CRPPA: variants seen among roughly 807,000 people sequenced by gnomAD.
CRPPA encodes the protein CDP-L-ribitol pyrophosphorylase A.
Under a neutral mutation model 52.0 loss-of-function variants are expected in CRPPA, and 43 were observed. That is an observed-to-expected ratio of 0.83 (90% CI 0.65 to 1.07). CRPPA has a LOEUF of 1.07. Ranked by LOEUF, CRPPA falls within the 50% of genes least tolerant of loss-of-function variation. The pLI, the probability that CRPPA is intolerant of heterozygous loss-of-function variation, is 0.00. For missense variants in CRPPA, 629 were observed against 551.7 expected, an observed-to-expected ratio of 1.14 and a Z score of -1.40; for synonymous variants, 250 against 203.5, an observed-to-expected ratio of 1.23 and a Z score of -1.94.
chr7:16,411,092 A>C (rs2128319288), intron 1 of CRPPA, among the ~76,000 whole-genome samples: 1 of 152,356 alleles, frequency 6.6e-6, no homozygotes, highest in African/African-American at 2.4e-5. Flanking sequence ...TAGTAGAAAT[A>C]ACACCTAAGA....
chr7:16,315,301 T>C (rs931485854), intron 3 of CRPPA, among the ~76,000 whole-genome samples: 1 of 152,202 alleles, frequency 6.6e-6, no homozygotes, highest in East Asian at 1.9e-4. Context: ...GTCCTTGTCA[T>C]ATTAATCATA....
intron 9 of CRPPA, among the ~76,000 whole-genome samples, chr7:16,195,077 CTTTTTA>C (rs1446177000): frequency 6.6e-6 from 1 of 151,850 alleles, no homozygotes; most frequent in African/African-American, 2.4e-5. Flanking sequence ...TTACAATGTT[CTTTTTA>C]TAATATACAA....
chr7:16,371,276 C>T (rs1448278818), intron 3 of CRPPA, among the ~76,000 whole-genome samples: 1 of 152,084 alleles, frequency 6.6e-6, no homozygotes, highest in Non-Finnish European at 1.5e-5. Context: ...AAATAAAATA[C>T]TGGAGAAAAA....
chr7:16,152,506 A>G (rs1347593286), intron 9 of CRPPA, among the ~76,000 whole-genome samples: 1 of 152,004 alleles, frequency 6.6e-6, no homozygotes, highest in African/African-American at 2.4e-5. Context: ...TGTCATTCCC[A>G]TTGTTTAAAA....
At chr7:16,304,874 T>C (rs1435303050) in intron 4 of CRPPA, among the ~76,000 whole-genome samples, 1 of 152,228 alleles carries the variant, frequency 6.6e-6, no homozygotes, top group Non-Finnish European at 1.5e-5. Context: ...GGTAATAAAA[T>C]GCCTCAATTA....
At chr7:16,278,906 G>T (rs1583488152) in intron 5 of CRPPA, among the ~76,000 whole-genome samples, 2 of 152,288 alleles carry the variant, frequency 1.3e-5, no homozygotes, top group Middle Eastern at 3.4e-3. Flanking sequence ...AAATCAGAAG[G>T]TACCCTGATT....
intron 9 of CRPPA, among the ~76,000 whole-genome samples, chr7:16,189,741 G>A (rs1781570705): frequency 6.6e-6 from 1 of 152,150 alleles, no homozygotes; most frequent in Admixed American, 6.6e-5. Context: ...ATGAGTTAGA[G>A]ACTAGCAGTA....
At chr7:16,243,699 G>A (rs1405197839) in intron 8 of CRPPA, among the ~76,000 whole-genome samples, 1 of 152,110 alleles carries the variant, frequency 6.6e-6, no homozygotes, top group African/African-American at 2.4e-5. Context: ...GGGTGCAGTG[G>A]CTACGTCTGT....
chr7:16,371,440 G>T (rs1243954067), intron 3 of CRPPA, among the ~76,000 whole-genome samples: 1 of 151,734 alleles, frequency 6.6e-6, no homozygotes, highest in Non-Finnish European at 1.5e-5. Flanking sequence ...CTATAACTCA[G>T]GAACTCATGC....
rs1783824535 is a variant in CRPPA at position 16,262,029 on chromosome 7, G to C, written c.934-3017C>G. The C allele has an allele frequency of 4.6e-5, 7 of 152,046 alleles. No individual in the cohort carries two copies. The South Asian group carries it at 1.2e-3, about 27-fold the overall frequency. 9.4% of individuals were successfully genotyped at this position (152,046 alleles called of 1,614,324 possible). A position where few individuals can be genotyped will look rare whatever the true frequency, so the allele number is the denominator to read the frequency against. ...GGTTGGACTATCCTACGTTTTGCTT[G>C]TTTATGGGTTTTGCATCTTGATGTC... On this transcript the variant is annotated intron_variant, in intron 6 of 9. Transcript: ENST00000407010.
At chr7:16,231,463 T>G (rs1388902632) in intron 8 of CRPPA, among the ~76,000 whole-genome samples, 1 of 152,176 alleles carries the variant, frequency 6.6e-6, no homozygotes, top group Admixed American at 6.5e-5. Context: ...AAGCAGTGCT[T>G]ATATATTATG....
intron 3 of CRPPA, among the ~76,000 whole-genome samples, chr7:16,349,198 C>G (rs1476612957): frequency 6.6e-6 from 1 of 152,166 alleles, no homozygotes; most frequent in Non-Finnish European, 1.5e-5. Flanking sequence ...TTCCAGGTAT[C>G]AGAGTACTGC....
At chr7:16,346,002 T>G (rs1233345490) in intron 3 of CRPPA, among the ~76,000 whole-genome samples, 2 of 152,228 alleles carry the variant, frequency 1.3e-5, no homozygotes, top group Non-Finnish European at 2.9e-5. Flanking sequence ...AGGTGTTATT[T>G]AGTAAACGCC....
At chr7:16,222,399 C>G (rs1782538583) in intron 8 of CRPPA, among the ~76,000 whole-genome samples, 1 of 147,444 alleles carries the variant, frequency 6.8e-6, no homozygotes, top group Non-Finnish European at 1.5e-5. Flanking sequence ...ACATATGTAA[C>G]TAACCTGCAC....
chr7:16,210,567 A>AAT (rs1365729697), intron 9 of CRPPA: 1 of 152,222 alleles, frequency 6.6e-6, no homozygotes, highest in African/African-American at 2.4e-5. Flanking sequence ...GCCTCAGTGC[A>AAT]ATAGCTCATG....
chr7:16,398,593 G>A (rs1477682567), intron 2 of CRPPA, among the ~76,000 whole-genome samples: 7 of 152,152 alleles, frequency 4.6e-5, no homozygotes, highest in Admixed American at 1.3e-4. Context: ...CGTGACTGAC[G>A]TTGCTACAGC....
chr7:16,281,185 C>T (rs1488675826), intron 5 of CRPPA, among the ~76,000 whole-genome samples: 2 of 152,110 alleles, frequency 1.3e-5, no homozygotes, highest in African/African-American at 4.8e-5. Context: ...TTTAAAATAA[C>T]AAGCCTTCCA....
intron 9 of CRPPA, among the ~76,000 whole-genome samples, chr7:16,193,957 T>C (rs1195203497): frequency 6.6e-6 from 1 of 152,170 alleles, no homozygotes; most frequent in Non-Finnish European, 1.5e-5. Context: ...GCTGTGACTC[T>C]CATTTTTTAT....
chr7:16,278,528 T>C (rs868323657), intron 5 of CRPPA, among the ~76,000 whole-genome samples: 44 of 152,208 alleles, frequency 2.9e-4, no homozygotes, highest in African/African-American at 1.0e-3. Context: ...CCATTTGAAG[T>C]TCAACAATTC....
Sources: gnomAD v4.1 joint callset for allele counts (sites outside exome capture counted in the v4.1 genomes callset) on GRCh38, gnomAD v4.1.1 for gene constraint, MANE v1.5 for transcripts, NCBI Gene and HGNC (gene_info 2026-07-23, HGNC 2026-07-21) for gene names.